NCR1: variants seen among roughly 807,000 people sequenced by gnomAD.
NCR1 encodes the protein natural cytotoxicity triggering receptor 1.
In NCR1, 30 loss-of-function variants were observed where a neutral mutation model predicts 32.5. That is an observed-to-expected ratio of 0.92 (90% CI 0.69 to 1.25). The LOEUF is 1.25. NCR1 is among the 50% of genes most tolerant of loss of function. The probability of loss-of-function intolerance (pLI) is 0.00; values close to 1 mark genes in which losing one functional copy is unlikely to be tolerated. For missense variants in NCR1, 369 were observed against 380.7 expected, an observed-to-expected ratio of 0.97 and a Z score of 0.26; for synonymous variants, 169 against 143.4, an observed-to-expected ratio of 1.18 and a Z score of -1.28.
the NCR1 span, among the ~76,000 whole-genome samples, chr19:54,925,924 C>T: frequency 4.0e-5 from 6 of 151,384 alleles, no homozygotes; most frequent in South Asian, 2.1e-4. Flanking sequence ...GGCGTGAACC[C>T]GGGAGGTGGA....
downstream of NCR1, among the ~76,000 whole-genome samples, chr19:54,920,493 C>T (rs77552270): frequency 0.014 from 2,093 of 152,154 alleles, 97 homozygotes; most frequent in East Asian, 0.11. Context: ...GGTCAGGCGC[C>T]GTAATCACAG....
the NCR1 span, chr19:54,923,835 G>A: frequency 5.6e-6 from 9 of 1,613,868 alleles, no homozygotes; most frequent in Non-Finnish European, 7.6e-6. Context: ...TCCTCCAACA[G>A]CTTCTTGATT....
At chr19:54,898,387 C>T in the NCR1 span, among the ~76,000 whole-genome samples, 1 of 152,180 alleles carries the variant, frequency 6.6e-6, no homozygotes, top group Non-Finnish European at 1.5e-5. Flanking sequence ...CCCCTGGCAG[C>T]TGCGGTTCAG....
chr19:54,903,551 T>C (rs587612324), upstream of NCR1, among the ~76,000 whole-genome samples: 41 of 147,700 alleles, frequency 2.8e-4, 1 homozygote, highest in East Asian at 8.1e-3. Flanking sequence ...TATGCATGTG[T>C]GTATATATAC....
chr19:54,912,930 G>T lies in NCR1; in HGVS notation c.*59G>T. 6.5e-7 allele frequency: 1 copy of T among 1,547,736 alleles called. No individual in the cohort carries two copies. The highest frequency in any genetic ancestry group is 8.8e-7 in the Non-Finnish European group (1 of 1,140,196). On this transcript the variant is annotated 3_prime_UTR_variant, in exon 7 of 7. Coordinates refer to ENST00000291890, the MANE Select transcript of NCR1 (RefSeq NM_004829.7). ...ATCTGAAAGCTGGTGTTGAGCCTGG[G>T]CGGCGTGAGCTCTGTGTTGGACCCA...
At chr19:54,910,165 G>GA in intron 5 of NCR1, 100 bp downstream of exon 5, 5 of 1,199,246 alleles carry the variant, frequency 4.2e-6, no homozygotes, top group Non-Finnish European at 6.1e-6. Flanking sequence ...GGCCAGGCGT[G>GA]GTGGCTCACG....
upstream of NCR1, among the ~76,000 whole-genome samples, chr19:54,905,126 T>C (rs188085393): frequency 4.7e-4 from 72 of 152,332 alleles, 1 homozygote; most frequent in Non-Finnish European, 8.1e-4. Context: ...GGCTGAATGG[T>C]AACTCTGTTT....
At chr19:54,911,713 G>A (rs1230571367) in intron 5 of NCR1, among the ~76,000 whole-genome samples, 1 of 152,054 alleles carries the variant, frequency 6.6e-6, no homozygotes, top group South Asian at 2.1e-4. Flanking sequence ...TCACACCACT[G>A]TACTCCAGCC....
intron 3 of NCR1, among the ~76,000 whole-genome samples, chr19:54,907,599 A>G (rs2146043456): frequency 6.6e-6 from 1 of 151,990 alleles, no homozygotes; most frequent in South Asian, 2.1e-4. Flanking sequence ...TATACCAGCA[A>G]CACCAAAAAC....
rs1259862862 is a variant in NCR1, at chr19:54,909,282, A to T, written c.393A>T (p.Gly131=). Residue 131 remains glycine, a synonymous_variant, in exon 4 of 7, where the codon GGA becomes GGT. Coordinates refer to ENST00000291890, the MANE Select transcript of NCR1 (RefSeq NM_004829.7). ...CACCCACCCTCTCGGTTCATCCTGG[A>T]CCCGAAGTGATCTCGGGAGAGAAGG... ...YDTPTLSVHP[G]PEVISGEKVT... is the part of the protein sequence containing the mutation. 8 of 1,613,816 alleles carry T rather than the reference A, an allele frequency of 5.0e-6. No homozygotes were observed. The highest frequency in any genetic ancestry group is 6.8e-6 in the Non-Finnish European group (8 of 1,179,986).
At chr19:54,908,412 T>G (rs1330842050) in intron 3 of NCR1, among the ~76,000 whole-genome samples, 1 of 151,240 alleles carries the variant, frequency 6.6e-6, no homozygotes, top group African/African-American at 2.4e-5. Flanking sequence ...AGTAACAATC[T>G]GATCTCTCTT....
chr19:54,926,178 T>G, the NCR1 span, among the ~76,000 whole-genome samples: 1 of 151,538 alleles, frequency 6.6e-6, no homozygotes, highest in Non-Finnish European at 1.5e-5. Flanking sequence ...CTCTGGGAAC[T>G]ACCTATTTTT....
the NCR1 span, among the ~76,000 whole-genome samples, chr19:54,923,234 C>T: frequency 9.9e-5 from 15 of 152,252 alleles, no homozygotes; most frequent in African/African-American, 3.1e-4. Flanking sequence ...TGAGAGACCG[C>T]GGGGCCCACA....
In NCR1 at chr19:54,912,226, G is replaced by A; in HGVS notation, c.733+8G>A. ...AGACGGGACTCCAGAAAGGTAAGTAGACAGCTGGGGCCATAGGCTCTGAAG... is the reference window on the plus strand; with the variant it reads ...AGACGGGACTCCAGAAAGGTAAGTAAACAGCTGGGGCCATAGGCTCTGAAG... On this transcript the variant is annotated splice_region_variant and intron_variant, in intron 6 of 6. Coordinates refer to ENST00000291890, the MANE Select transcript of NCR1 (RefSeq NM_004829.7). 6.2e-7 allele frequency: 1 copy of A among 1,613,550 alleles called. No homozygotes were observed. Among genetic ancestry groups the A allele is most frequent in the South Asian group, 1.1e-5 (1 of 91,062 alleles).
Position 54,912,208 on chromosome 19 carries a change from A to T in NCR1, c.723A>T (p.Gly241=). 2 of 1,613,768 alleles carry T rather than the reference A, an allele frequency of 1.2e-6. No individual in the cohort carries two copies. Among genetic ancestry groups the T allele is most frequent in the Non-Finnish European group, 1.7e-6 (2 of 1,179,830 alleles). The change falls in exon 6 of 7, where the codon GGA becomes GGT. Residue 241 remains glycine, a synonymous_variant. Transcript: ENST00000291890. ...WGTYLLTTET[G]LQKDHALWDH... is the part of the protein sequence containing the mutation. ...CCTACCTTTTAACCACAGAGACGGG[A>T]CTCCAGAAAGGTAAGTAGACAGCTG...
chr19:54,918,221 C>T (rs538934705), downstream of NCR1, among the ~76,000 whole-genome samples: 29 of 151,974 alleles, frequency 1.9e-4, no homozygotes, highest in South Asian at 1.7e-3. Context: ...TGTAAGCCAC[C>T]GCACCCGGCC....
At chr19:54,903,305 TATGTATACATACATGTATATATAC>T (rs1569535477), upstream of NCR1, among the ~76,000 whole-genome samples, 71 of 141,690 alleles carry the variant, frequency 5.0e-4, 1 homozygote, top group Non-Finnish European at 7.6e-4. Flanking sequence ...CATATACGTA[TATGTATACATACATGTATATATAC>T]ATGTATGTAT....
At chr19:54,919,509 C>A (rs34845045), downstream of NCR1, among the ~76,000 whole-genome samples, 10,049 of 149,540 alleles carry the variant, frequency 0.067, 124 homozygotes, top group East Asian at 0.15. Flanking sequence ...TAGTACTTTC[C>A]CTAATTTACT....
intron 5 of NCR1, 56 bp downstream of exon 5, chr19:54,910,121 T>A: frequency 1.3e-6 from 2 of 1,528,954 alleles, no homozygotes; most frequent in South Asian, 1.1e-5. Flanking sequence ...CCAGTGACAC[T>A]AAAAACGTGG....
Sources: gnomAD v4.1 joint callset for allele counts (sites outside exome capture counted in the v4.1 genomes callset) on GRCh38, gnomAD v4.1.1 for gene constraint, MANE v1.5 for transcripts, NCBI Gene and HGNC (gene_info 2026-07-23, HGNC 2026-07-21) for gene names.